ADGRF5: variants seen among roughly 807,000 people sequenced by gnomAD.
The protein encoded by ADGRF5 is G-protein coupled receptor 116.
Under a neutral mutation model 132.3 loss-of-function variants are expected in ADGRF5, and 75 were observed. That is an observed-to-expected ratio of 0.57 (90% CI 0.47 to 0.69). The LOEUF is 0.69. Ranked by LOEUF, ADGRF5 falls within the 30% of genes least tolerant of loss-of-function variation. The probability of loss-of-function intolerance (pLI) is 0.00; values close to 1 mark genes in which losing one functional copy is unlikely to be tolerated. For synonymous variants in ADGRF5, 629 were observed against 597.6 expected, an observed-to-expected ratio of 1.05 and a Z score of -0.77; for missense variants, 1,516 against 1,630.6, an observed-to-expected ratio of 0.93 and a Z score of 1.21.
intron 3 of ADGRF5, among the ~76,000 whole-genome samples, chr6:46,892,981 A>G (rs1387784850): frequency 6.6e-6 from 1 of 151,366 alleles, no homozygotes; most frequent in African/African-American, 2.4e-5. Context: ...AGGATCTTTC[A>G]TCATTATACT....
rs774831475 is a variant in ADGRF5, at chr6:46,867,133, G to A, written c.1626C>T (p.Thr542=). The A allele has an allele frequency of 5.0e-6, 8 of 1,587,334 alleles. No homozygotes were observed. Among genetic ancestry groups the A allele is most frequent in the Non-Finnish European group, 6.9e-6 (8 of 1,157,756 alleles). ...VKTSTREWNG[T]YHCIFRYKNS... ...TCTTATATCTAAATATGCAGTGATA[G>A]GTTCCTGAGTAGAAGACGGCAAAAA... is the stretch of plus-strand genomic sequence containing the variant. The change falls in exon 13 of 21, where the codon ACC becomes ACT. Residue 542 remains threonine, a synonymous_variant. Coordinates refer to ENST00000283296, the MANE Select transcript of ADGRF5 (RefSeq NM_001098518.2).
At chr6:46,928,100 T>C (rs1362767746) in intron 1 of ADGRF5, among the ~76,000 whole-genome samples, 1 of 152,158 alleles carries the variant, frequency 6.6e-6, no homozygotes. Context: ...CTGACCCAAG[T>C]CAGATTGGGT....
rs1270527362 is a variant in ADGRF5, at chr6:46,865,044, G to A, written c.1988C>T (p.Pro663Leu). The change falls in exon 14 of 21, where the codon CCT (proline) becomes CTT (leucine). Residue 663 changes from proline to leucine, a missense_variant and splice_region_variant. Pro to Leu is a moderately conservative substitution (Grantham distance 98). Transcript: ENST00000283296. The stretch of plus-strand genomic sequence containing the variant: ...AAAGTAATTTAAAACGTTCTTACCA[G>A]GAACCAGATTCAGCTTCATAGATGG... The part of the protein sequence containing the change: ...WSPSMKLNLV[P>L]GENITCQDPV... 6.3e-7 allele frequency: 1 copy of A among 1,595,582 alleles called. No individual in the cohort carries two copies. Among genetic ancestry groups the A allele is most frequent in the Non-Finnish European group, 8.5e-7 (1 of 1,169,854 alleles).
rs1258440548 is a variant in ADGRF5 at position 46,852,871 on chromosome 6, A to C, written c.*1121T>G. 1 of 152,656 alleles carries C rather than the reference A, an allele frequency of 6.6e-6. No homozygotes were observed. Among genetic ancestry groups the C allele is most frequent in the Non-Finnish European group, 1.5e-5 (1 of 68,048 alleles). The allele number at this position is 152,656 out of a possible 1,614,324, so 9.5% of individuals were successfully genotyped here. On this transcript the variant is annotated 3_prime_UTR_variant, in exon 21 of 21. Coordinates refer to ENST00000283296, the MANE Select transcript of ADGRF5 (RefSeq NM_001098518.2). Reference sequence around the variant, plus strand: ...ACAGAGAATACATAGGGAGCTATGCAACACACCAAGGGCCAGTATCCACAA... The same window carrying C: ...ACAGAGAATACATAGGGAGCTATGCCACACACCAAGGGCCAGTATCCACAA...
chr6:46,950,075 G>A (rs1001561298), intron 1 of ADGRF5, among the ~76,000 whole-genome samples: 2 of 152,100 alleles, frequency 1.3e-5, no homozygotes, highest in African/African-American at 2.4e-5. Context: ...CTGACATCAC[G>A]AGACTCTTGA....
Position 46,853,801 on chromosome 6 carries a change from CAAACAG to C in ADGRF5, c.*185_*190del, listed in dbSNP as rs1308244606. The C allele has an allele frequency of 1.5e-5, 7 of 459,376 alleles. No homozygotes were observed. Among genetic ancestry groups the C allele is most frequent in the South Asian group, 2.5e-5 (1 of 40,246 alleles). The allele number at this position is 459,376 out of a possible 1,614,324, so 28.5% of individuals were successfully genotyped here. The stretch of plus-strand genomic sequence containing the variant: ...TCACACAAGGGGGAGGGGGAGGGAA[CAAACAG>C]AAACATAACAATTATTTTTATTCTG... On this transcript the variant is annotated 3_prime_UTR_variant, in exon 21 of 21. Coordinates refer to ENST00000283296, the MANE Select transcript of ADGRF5 (RefSeq NM_001098518.2).
At chr6:46,917,354 A>G (rs1236161477) in intron 1 of ADGRF5, among the ~76,000 whole-genome samples, 1 of 152,158 alleles carries the variant, frequency 6.6e-6, no homozygotes, top group Non-Finnish European at 1.5e-5. Flanking sequence ...TGCCATGTGG[A>G]TCACTTTTCA....
chr6:46,883,499 A>G (rs558219049), intron 6 of ADGRF5, 60 bp downstream of exon 6: 3 of 809,582 alleles, frequency 3.7e-6, no homozygotes, highest in African/African-American at 1.7e-5. Context: ...TGTGAATGCA[A>G]TAGACTCAGT....
intron 11 of ADGRF5, chr6:46,869,296 C>T (rs1182520358): frequency 7.1e-7 from 1 of 1,412,740 alleles, no homozygotes; most frequent in Non-Finnish European, 9.2e-7. Flanking sequence ...TGGTGGTGCT[C>T]TGCACTGTAC....
intron 1 of ADGRF5, among the ~76,000 whole-genome samples, chr6:46,936,482 G>A (rs1046991049): frequency 2.0e-5 from 3 of 152,218 alleles, no homozygotes; most frequent in Non-Finnish European, 4.4e-5. Flanking sequence ...AATAGTGGCA[G>A]TAGGTGAGTT....
chr6:46,872,523 G>A (rs949848873), intron 10 of ADGRF5, among the ~76,000 whole-genome samples: 8 of 152,054 alleles, frequency 5.3e-5, no homozygotes, highest in African/African-American at 1.9e-4. Context: ...GCAATACTGG[G>A]GCACCTGATA....
intron 1 of ADGRF5, among the ~76,000 whole-genome samples, chr6:46,941,426 GAAA>G (rs1249035730): frequency 9.3e-5 from 4 of 43,224 alleles, no homozygotes; most frequent in Admixed American, 3.3e-4. Context: ...GAAAAGAAAA[GAAA>G]AGAAAAGAAA....
At chr6:46,930,719 A>C (rs1777516130) in intron 1 of ADGRF5, among the ~76,000 whole-genome samples, 1 of 152,190 alleles carries the variant, frequency 6.6e-6, no homozygotes, top group Non-Finnish European at 1.5e-5. Flanking sequence ...CAGTCTTAGC[A>C]GTATCCTTGC....
chr6:46,928,555 C>T (rs563350710), intron 1 of ADGRF5, among the ~76,000 whole-genome samples: 197 of 152,228 alleles, frequency 1.3e-3, no homozygotes, highest in African/African-American at 4.6e-3. Context: ...GACCTCTCTT[C>T]CCTTCTTCCC....
chr6:46,925,682 G>C (rs1777211993), upstream of ADGRF5, among the ~76,000 whole-genome samples: 1 of 152,228 alleles, frequency 6.6e-6, no homozygotes, highest in African/African-American at 2.4e-5. Context: ...GCTTGAACCT[G>C]AGAGGCAGAG....
chr6:46,877,355 T>G (rs1409386309), intron 10 of ADGRF5, among the ~76,000 whole-genome samples: 1 of 51,998 alleles, frequency 1.9e-5, no homozygotes. Context: ...CTTTCTTTCT[T>G]TCTTTCTTTC....
intron 20 of ADGRF5, among the ~76,000 whole-genome samples, chr6:46,855,735 A>G (rs1768957867): frequency 6.6e-6 from 1 of 152,218 alleles, no homozygotes; most frequent in Non-Finnish European, 1.5e-5. Context: ...ATCATTGTCT[A>G]GATTCTCCAA....
intron 3 of ADGRF5, among the ~76,000 whole-genome samples, chr6:46,889,568 G>GTGTGTATATATATATATATATATA: frequency 1.3e-5 from 1 of 77,786 alleles, no homozygotes; most frequent in South Asian, 4.0e-4. Context: ...GTGTGTGTGT[G>GTGTGTATATATATATATATATATA]TATATATATA....
intron 1 of ADGRF5, among the ~76,000 whole-genome samples, chr6:46,910,087 C>T (rs1215922978): frequency 2.0e-5 from 3 of 151,990 alleles, no homozygotes; most frequent in Non-Finnish European, 2.9e-5. Context: ...CTTAGAAATC[C>T]TTCATCAGCC....
Sources: gnomAD v4.1 joint callset for allele counts (sites outside exome capture counted in the v4.1 genomes callset) on GRCh38, gnomAD v4.1.1 for gene constraint, MANE v1.5 for transcripts, NCBI Gene and HGNC (gene_info 2026-07-23, HGNC 2026-07-21) for gene names.